Variants in HS3ST4 observed in about 807,000 individuals in gnomAD.
HS3ST4 encodes the protein heparan sulfate-glucosamine 3-sulfotransferase 4.
In HS3ST4, 17 loss-of-function variants were observed where a neutral mutation model predicts 29.2. The observed-to-expected ratio is 0.58, with a 90% CI of 0.40 to 0.87. The LOEUF (loss-of-function observed/expected upper bound fraction) is 0.87. Among genes scored for constraint, HS3ST4 ranks in the 40% least tolerant of loss-of-function variants. The probability of loss-of-function intolerance (pLI) is 0.00; values close to 1 mark genes in which losing one functional copy is unlikely to be tolerated. For missense variants in HS3ST4, 627 were observed against 634.5 expected (o/e 0.99, Z 0.13); for synonymous variants, 314 against 285.7 (o/e 1.10, Z -1.00).
chr16:26,112,065 A>T (rs2141803944), intron 1 of HS3ST4, among the ~76,000 whole-genome samples: 1 of 151,990 alleles, frequency 6.6e-6, no homozygotes, highest in South Asian at 2.1e-4. Flanking sequence ...TTATATTTAT[A>T]AACTCTTGCC....
chr16:25,824,373 A>G (rs1967195752), intron 1 of HS3ST4, among the ~76,000 whole-genome samples: 1 of 152,158 alleles, frequency 6.6e-6, no homozygotes, highest in Non-Finnish European at 1.5e-5. Context: ...GACATACCCG[A>G]GACTGGGTAA....
At chr16:25,768,647 C>A (rs1054353070) in intron 1 of HS3ST4, among the ~76,000 whole-genome samples, 2 of 152,110 alleles carry the variant, frequency 1.3e-5, no homozygotes, top group African/African-American at 2.4e-5. Context: ...GCCTGAATGA[C>A]CTTCCTGCAT....
At chr16:25,801,684 A>G (rs1267915927) in intron 1 of HS3ST4, among the ~76,000 whole-genome samples, 2 of 151,904 alleles carry the variant, frequency 1.3e-5, no homozygotes, top group Admixed American at 1.3e-4. Context: ...TTAAATGCTT[A>G]CTCGCCCTTA....
intron 1 of HS3ST4, among the ~76,000 whole-genome samples, chr16:25,933,140 A>G (rs570142873): frequency 1.5e-4 from 23 of 152,142 alleles, no homozygotes; most frequent in African/African-American, 5.1e-4. Flanking sequence ...CTCTCCCTCA[A>G]TGCTGCTGTC....
intron 1 of HS3ST4, among the ~76,000 whole-genome samples, chr16:25,741,393 C>CG (rs1029583851): frequency 8.0e-5 from 6 of 74,974 alleles, no homozygotes; most frequent in Non-Finnish European, 1.4e-4. Context: ...AAAAAAAAGG[C>CG]GGGGGGAGGA....
intron 1 of HS3ST4, among the ~76,000 whole-genome samples, chr16:25,976,288 T>A (rs555308560): frequency 1.3e-5 from 2 of 152,292 alleles, no homozygotes; most frequent in East Asian, 3.9e-4. Context: ...TGCTCATATT[T>A]CTCCAGGGAT....
At chr16:25,759,644 G>A (rs796343403) in intron 1 of HS3ST4, among the ~76,000 whole-genome samples, 1 of 152,240 alleles carries the variant, frequency 6.6e-6, no homozygotes. Flanking sequence ...GAAACAGCCA[G>A]CGAGGCTCAG....
At position 25,828,242 on chromosome 16, in the gene HS3ST4, C is replaced by CTTTCTTTTTCTATCTTTCTTTCTT. The variant is rs1371928058; in HGVS notation, c.734+135092_734+135093insTTCTTTTTCTATCTTTCTTTCTTT. On this transcript the variant is annotated intron_variant, in intron 1 of 1. Transcript: ENST00000331351. ...CTTTCCTTTCTTTCTTTCTTTCTTT[C>CTTTCTTTTTCTATCTTTCTTTCTT]TCTTTCTTTCTTTCTTTCTTTCTTT... Among the ~76,000 whole-genome samples, 41 of 75,028 alleles carry CTTTCTTTTTCTATCTTTCTTTCTT rather than the reference C, an allele frequency of 5.5e-4. 2 individuals are homozygous for CTTTCTTTTTCTATCTTTCTTTCTT. Among genetic ancestry groups the CTTTCTTTTTCTATCTTTCTTTCTT allele is most frequent in the Non-Finnish European group, 8.1e-4 (32 of 39,488 alleles). The allele number at this position is 75,028 out of a possible 152,430, so 49.2% of individuals were successfully genotyped here.
rs1966517411 is a variant in HS3ST4 at position 25,724,362 on chromosome 16, C to G, written c.734+31211C>G. On this transcript the variant is annotated intron_variant, in intron 1 of 1. Transcript: ENST00000331351. ...TATGTTTCCATACTAAAGCTCCCCT[C>G]AACTTTTTTTTTTTTTTTTGAGATG... is the stretch of plus-strand genomic sequence containing the variant. 4.0e-5 allele frequency among the ~76,000 whole-genome samples: 4 copies of G among 99,280 alleles called. No individual in the cohort carries two copies. The Admixed American group carries it at 5.5e-4, about 14-fold the overall frequency. 65.1% of individuals were successfully genotyped at this position (99,280 alleles called of 152,430 possible). A position where few individuals can be genotyped will look rare whatever the true frequency, so the allele number is the denominator to read the frequency against.
At chr16:26,034,671 G>T (rs1010959246) in intron 1 of HS3ST4, among the ~76,000 whole-genome samples, 6 of 151,108 alleles carry the variant, frequency 4.0e-5, no homozygotes, top group East Asian at 1.9e-4. Context: ...GCAGGGGCGG[G>T]GGGGGGTCTC....
At chr16:25,768,376 T>C (rs1309230820) in intron 1 of HS3ST4, among the ~76,000 whole-genome samples, 1 of 152,202 alleles carries the variant, frequency 6.6e-6, no homozygotes, top group Non-Finnish European at 1.5e-5. Flanking sequence ...GGCATCTGCA[T>C]TAGATCCCTC....
At chr16:25,926,299 C>G (rs900170135) in intron 1 of HS3ST4, among the ~76,000 whole-genome samples, 19 of 152,202 alleles carry the variant, frequency 1.2e-4, no homozygotes, top group African/African-American at 4.3e-4. Flanking sequence ...TGGGACTCCC[C>G]CTGGCAGTAA....
chr16:25,883,744 T>C (rs1967918084), intron 1 of HS3ST4, among the ~76,000 whole-genome samples: 1 of 152,236 alleles, frequency 6.6e-6, no homozygotes, highest in Non-Finnish European at 1.5e-5. Flanking sequence ...AGTGTTATTA[T>C]ACTTGTTACC....
intron 1 of HS3ST4, among the ~76,000 whole-genome samples, chr16:25,739,414 G>T (rs1596557301): frequency 6.6e-6 from 1 of 152,122 alleles, no homozygotes. Context: ...TGAAGGCTTA[G>T]AATTGTCTGC....
rs190877883 is a variant in HS3ST4, at chr16:26,102,739, G to A, written c.735-32873G>A. Among the ~76,000 whole-genome samples the A allele has an allele frequency of 5.8e-4, 88 of 152,318 alleles. No homozygotes were observed. The East Asian group carries it at 0.011, about 18-fold the overall frequency. ...CTTTCTTGAGGATAAGAAAAGAAGC[G>A]TTTATTTAGCACTTACTGGGTGTTG... On this transcript the variant is annotated intron_variant, in intron 1 of 1. Coordinates refer to ENST00000331351, the MANE Select transcript of HS3ST4 (RefSeq NM_006040.3).
intron 1 of HS3ST4, among the ~76,000 whole-genome samples, chr16:25,828,301 CCTCTCTCTCTCT>C (rs1196055715): frequency 2.1e-4 from 7 of 32,882 alleles, no homozygotes; most frequent in African/African-American, 6.3e-4. Context: ...TCTTTCTTTC[CCTCTCTCTCTCT>C]CTCTCTCTCT....
At chr16:25,761,184 G>A (rs1037610131) in intron 1 of HS3ST4, among the ~76,000 whole-genome samples, 3 of 152,130 alleles carry the variant, frequency 2.0e-5, no homozygotes, top group Non-Finnish European at 4.4e-5. Context: ...TGCTTCAGTC[G>A]TATCTTGCCT....
At chr16:25,890,377 A>T (rs1202539854) in intron 1 of HS3ST4, among the ~76,000 whole-genome samples, 1 of 152,190 alleles carries the variant, frequency 6.6e-6, no homozygotes, top group African/African-American at 2.4e-5. Flanking sequence ...AGATGACTTT[A>T]CCTTGTTAGG....
chr16:26,011,371 C>A (rs1969309104), intron 1 of HS3ST4, among the ~76,000 whole-genome samples: 1 of 151,538 alleles, frequency 6.6e-6, no homozygotes, highest in Admixed American at 6.6e-5. Context: ...ACCAGCCTGA[C>A]CAACATGGTG....
Sources: allele counts gnomAD v4.1 joint callset (sites outside exome capture counted in the v4.1 genomes callset), GRCh38; gene constraint gnomAD v4.1.1; transcripts MANE v1.5; gene names NCBI Gene and HGNC (gene_info 2026-07-23, HGNC 2026-07-21).